ARHGAP26: variants seen among roughly 807,000 people sequenced by gnomAD.
ARHGAP26 encodes the protein rho GTPase-activating protein 26.
A neutral mutation model predicts 104.8 loss-of-function variants in ARHGAP26; 38 were observed. The ratio of observed to expected loss-of-function variants is 0.36; its 90% CI spans 0.28 to 0.48. The LOEUF (loss-of-function observed/expected upper bound fraction) is 0.48. Among genes scored for constraint, ARHGAP26 ranks in the 20% least tolerant of loss-of-function variants. The probability of loss-of-function intolerance (pLI) is 0.99; values close to 1 mark genes in which losing one functional copy is unlikely to be tolerated. For synonymous variants in ARHGAP26, 341 were observed against 340.0 expected, an observed-to-expected ratio of 1.00 and a Z score of -0.03; for missense variants, 704 against 947.9, an observed-to-expected ratio of 0.74 and a Z score of 3.38.
intron 10 of ARHGAP26, among the ~76,000 whole-genome samples, chr5:142,926,471 G>C (rs1598272603): frequency 6.6e-6 from 1 of 152,204 alleles, no homozygotes; most frequent in Admixed American, 6.5e-5. Flanking sequence ...TAAGTCATTT[G>C]CTCCTTCTCT....
chr5:143,085,891 G>T (rs1430252934), intron 17 of ARHGAP26, among the ~76,000 whole-genome samples: 1 of 152,088 alleles, frequency 6.6e-6, no homozygotes, highest in Non-Finnish European at 1.5e-5. Context: ...TTTAAAAAAT[G>T]GTTTCTTATA....
intron 17 of ARHGAP26, among the ~76,000 whole-genome samples, chr5:143,073,538 A>G (rs1355052814): frequency 2.0e-5 from 3 of 152,124 alleles, no homozygotes; most frequent in South Asian, 2.1e-4. Context: ...TTATTTCCCT[A>G]TTGGCGGTAG....
intron 20 of ARHGAP26, chr5:143,168,796 T>A (rs1468944189): frequency 6.6e-6 from 1 of 152,158 alleles, no homozygotes; most frequent in African/African-American, 2.4e-5. Context: ...ATGGTGGGAT[T>A]AATAAGGAGA....
At chr5:142,830,820 G>A (rs966300715) in intron 1 of ARHGAP26, among the ~76,000 whole-genome samples, 2 of 152,114 alleles carry the variant, frequency 1.3e-5, no homozygotes, top group East Asian at 1.9e-4. Context: ...AGACTGCGCC[G>A]TATCCCCCTC....
intron 1 of ARHGAP26, among the ~76,000 whole-genome samples, chr5:142,850,708 A>G (rs1338159049): frequency 6.6e-6 from 1 of 152,150 alleles, no homozygotes; most frequent in East Asian, 1.9e-4. Context: ...TATTAGTCCT[A>G]TTTCTACCTC....
chr5:142,971,302 CTA>C lies in ARHGAP26; in HGVS notation c.1107+39178_1107+39179del, dbSNP rs1562180765. On this transcript the variant is annotated intron_variant, in intron 11 of 22. Transcript: ENST00000645722. ...TAACCATGGTTATAAGTAAATAAAA[CTA>C]GCATGCTTTTGAAGAGAATGAAATT... Among the ~76,000 whole-genome samples, 10 of 152,272 alleles carry C rather than the reference CTA, an allele frequency of 6.6e-5. No individual in the cohort carries two copies. In the South Asian group the frequency reaches 2.1e-3, roughly 32 times the overall value.
intron 11 of ARHGAP26, among the ~76,000 whole-genome samples, chr5:143,001,217 A>G (rs189941003): frequency 3.3e-5 from 5 of 152,310 alleles, no homozygotes; most frequent in Non-Finnish European, 7.4e-5. Context: ...TGAGGGAACT[A>G]TCTGAGCTGA....
intron 12 of ARHGAP26, among the ~76,000 whole-genome samples, chr5:143,015,806 A>G (rs1291350813): frequency 2.0e-5 from 3 of 152,220 alleles, no homozygotes; most frequent in Admixed American, 6.5e-5. Flanking sequence ...TTATGAACCT[A>G]CATCTCTCTA....
intron 11 of ARHGAP26, among the ~76,000 whole-genome samples, chr5:142,967,319 T>C (rs574652581): frequency 1.8e-3 from 277 of 152,292 alleles, no homozygotes; most frequent in Admixed American, 3.6e-3. Flanking sequence ...GTCAAGCGGT[T>C]AGAAGGTGTA....
In ARHGAP26 at chr5:143,223,914, G is replaced by A. The variant is rs1036832622; in HGVS notation, c.*1468G>A. Reference sequence around the variant, plus strand: ...TGGCCTGCAAACAACAGAGTTATCCGTATCTTCCACATGTGAATGTCATTG... The same window carrying A: ...TGGCCTGCAAACAACAGAGTTATCCATATCTTCCACATGTGAATGTCATTG... On this transcript the variant is annotated 3_prime_UTR_variant, in exon 23 of 23. Transcript: ENST00000645722. The A allele has an allele frequency of 1.7e-5, 4 of 231,108 alleles. No individual in the cohort carries two copies. Among genetic ancestry groups the A allele is most frequent in the Admixed American group, 5.6e-5 (1 of 17,712 alleles). 14.3% of individuals were successfully genotyped at this position (231,108 alleles called of 1,614,324 possible). A position where few individuals can be genotyped will look rare whatever the true frequency, so the allele number is the denominator to read the frequency against.
At chr5:143,025,124 G>A (rs528410814) in intron 12 of ARHGAP26, among the ~76,000 whole-genome samples, 2 of 152,218 alleles carry the variant, frequency 1.3e-5, no homozygotes, top group East Asian at 1.9e-4. Context: ...GCCAGAGCCC[G>A]TTTATATAAA....
At chr5:143,145,565 G>A (rs138604179) in intron 19 of ARHGAP26, among the ~76,000 whole-genome samples, 9 of 152,264 alleles carry the variant, frequency 5.9e-5, no homozygotes, top group Admixed American at 2.0e-4. Flanking sequence ...TAATCTTAGC[G>A]TTGTTTTTCT....
chr5:142,968,986 C>T (rs769164136), intron 11 of ARHGAP26, among the ~76,000 whole-genome samples: 29 of 152,254 alleles, frequency 1.9e-4, no homozygotes, highest in Non-Finnish European at 3.7e-4. Flanking sequence ...GACTGGAGCG[C>T]AGTGGCGCAC....
intron 20 of ARHGAP26, among the ~76,000 whole-genome samples, chr5:143,189,506 T>C (rs954981615): frequency 6.6e-6 from 1 of 152,198 alleles, no homozygotes; most frequent in Admixed American, 6.5e-5. Context: ...CCTAAAATTA[T>C]CTTCTTTGGT....
At chr5:142,786,937 G>A (rs1024998921) in intron 1 of ARHGAP26, among the ~76,000 whole-genome samples, 4 of 152,080 alleles carry the variant, frequency 2.6e-5, no homozygotes, top group African/African-American at 9.7e-5. Flanking sequence ...GAGCCACTGC[G>A]TCCGGCTTGG....
At chr5:143,033,364 G>A (rs547211174) in intron 12 of ARHGAP26, among the ~76,000 whole-genome samples, 4 of 152,284 alleles carry the variant, frequency 2.6e-5, no homozygotes, top group African/African-American at 4.8e-5. Context: ...AGAAGTAATT[G>A]TAGTAGTGGG....
intron 3 of ARHGAP26, among the ~76,000 whole-genome samples, chr5:142,875,789 G>A (rs973298101): frequency 1.3e-5 from 2 of 152,194 alleles, no homozygotes; most frequent in Admixed American, 1.3e-4. Context: ...CACCCAGGCT[G>A]GAGTGCAGTG....
intron 20 of ARHGAP26, among the ~76,000 whole-genome samples, chr5:143,164,555 G>A (rs571138923): frequency 4.6e-5 from 7 of 152,318 alleles, no homozygotes; most frequent in Non-Finnish European, 1.0e-4. Context: ...ATCCATGGCT[G>A]ATTTTTCTAC....
At chr5:143,007,538 G>A (rs4912888) in intron 11 of ARHGAP26, among the ~76,000 whole-genome samples, 113,755 of 152,110 alleles carry the variant, frequency 0.75, 43,472 homozygotes, top group Middle Eastern at 0.83. Context: ...TTGGCAGGCT[G>A]TTTTTCCTCT....
Sources: allele counts gnomAD v4.1 joint callset (sites outside exome capture counted in the v4.1 genomes callset), GRCh38; gene constraint gnomAD v4.1.1; transcripts MANE v1.5; gene names NCBI Gene and HGNC (gene_info 2026-07-23, HGNC 2026-07-21).